FAR2: variants seen among roughly 807,000 people sequenced by gnomAD.
FAR2 encodes epididymis secretory protein Li 81.
Under a neutral mutation model 56.0 loss-of-function variants are expected in FAR2, and 19 were observed. The observed-to-expected ratio is 0.34, with a 90% CI of 0.24 to 0.50. The LOEUF is 0.50. Among genes scored for constraint, FAR2 ranks in the 20% least tolerant of loss-of-function variants. FAR2 has a pLI of 0.98. For missense variants in FAR2, 508 were observed against 642.2 expected (o/e 0.79, Z 2.26); for synonymous variants, 219 against 218.8 (o/e 1.00, Z -0.01).
At chr12:29,277,409 G>A (rs116645649) in intron 2 of FAR2, 196 of 152,284 alleles carry the variant, frequency 1.3e-3, no homozygotes, top group African/African-American at 4.6e-3. Context: ...AATATGACAA[G>A]TATTTATTGA....
chr12:29,284,723 A>AT (rs1948841420), intron 2 of FAR2, among the ~76,000 whole-genome samples: 1 of 152,242 alleles, frequency 6.6e-6, no homozygotes, highest in Non-Finnish European at 1.5e-5. Context: ...AGGTAAACAA[A>AT]TTAACTTCGA....
At chr12:29,282,431 G>A (rs1948802168) in intron 2 of FAR2, 1 of 152,120 alleles carries the variant, frequency 6.6e-6, no homozygotes, top group African/African-American at 2.4e-5. Flanking sequence ...TAACGAGTTT[G>A]ACACAAACAG....
intron 1 of FAR2, among the ~76,000 whole-genome samples, chr12:29,245,008 G>A (rs1385595411): frequency 6.7e-6 from 1 of 150,370 alleles, no homozygotes; most frequent in African/African-American, 2.5e-5. Context: ...TTGAGATGGA[G>A]TCTCACTCTA....
intron 4 of FAR2, among the ~76,000 whole-genome samples, chr12:29,298,315 C>T (rs1949104904): frequency 6.7e-6 from 1 of 149,192 alleles, no homozygotes. Flanking sequence ...TTGTAAAAAA[C>T]TATATAAAAA....
chr12:29,260,624 A>C (rs956044601), intron 1 of FAR2, among the ~76,000 whole-genome samples: 2 of 152,044 alleles, frequency 1.3e-5, no homozygotes, highest in Non-Finnish European at 2.9e-5. Context: ...GGGAGTGAAG[A>C]GTAGGAAGGA....
At chr12:29,159,355 G>A (rs894760323) in intron 1 of FAR2, among the ~76,000 whole-genome samples, 15 of 151,954 alleles carry the variant, frequency 9.9e-5, no homozygotes, top group African/African-American at 3.4e-4. Context: ...AGGCTAACAT[G>A]GTGAAACCCC....
At chr12:29,253,279 C>CTATATCTATCTAGATA (rs1565489425) in intron 1 of FAR2, among the ~76,000 whole-genome samples, 13 of 22,578 alleles carry the variant, frequency 5.8e-4, no homozygotes, top group African/African-American at 2.0e-3. Context: ...ATCTATATAT[C>CTATATCTATCTAGATA]GATATCTATA....
chr12:29,217,348 G>A (rs1393161546), intron 1 of FAR2, among the ~76,000 whole-genome samples: 1 of 152,164 alleles, frequency 6.6e-6, no homozygotes, highest in African/African-American at 2.4e-5. Context: ...TAGCTGGCAT[G>A]ACAGATTGCA....
intron 10 of FAR2, among the ~76,000 whole-genome samples, chr12:29,326,583 C>G (rs868357152): frequency 6.6e-6 from 1 of 152,220 alleles, no homozygotes; most frequent in Non-Finnish European, 1.5e-5. Context: ...CCCTGGGATG[C>G]AAGGCTGGTT....
At chr12:29,301,791 A>G (rs1229066827) in intron 4 of FAR2, 1 of 152,234 alleles carries the variant, frequency 6.6e-6, no homozygotes, top group Admixed American at 6.5e-5. Flanking sequence ...TATTATTATC[A>G]CTGCTATACT....
At chr12:29,320,986 A>C (rs1949541624) in intron 9 of FAR2, among the ~76,000 whole-genome samples, 1 of 152,148 alleles carries the variant, frequency 6.6e-6, no homozygotes, top group Non-Finnish European at 1.5e-5. Context: ...CATTTGTAAA[A>C]CTGCAGACTT....
chr12:29,155,544 C>G (rs1251915188), intron 1 of FAR2, among the ~76,000 whole-genome samples: 1 of 152,178 alleles, frequency 6.6e-6, no homozygotes, highest in African/African-American at 2.4e-5. Flanking sequence ...TGGCCCCTGC[C>G]TTTTTGTTTA....
intron 10 of FAR2, among the ~76,000 whole-genome samples, chr12:29,327,534 T>A (rs1949668542): frequency 6.6e-6 from 1 of 152,160 alleles, no homozygotes; most frequent in African/African-American, 2.4e-5. Flanking sequence ...CAAAACAGCA[T>A]GGTACTGGCA....
At chr12:29,213,546 C>A (rs1485514760) in intron 1 of FAR2, among the ~76,000 whole-genome samples, 2 of 152,020 alleles carry the variant, frequency 1.3e-5, no homozygotes, top group Admixed American at 1.3e-4. Context: ...AAAAATTAAC[C>A]GGGTGTAGTG....
chr12:29,172,094 G>A (rs1301502731), intron 1 of FAR2: 2 of 146,134 alleles, frequency 1.4e-5, no homozygotes, highest in African/African-American at 5.2e-5. Flanking sequence ...CCAACTGTCT[G>A]GGAAGTGAGG....
chr12:29,179,612 T>A (rs1253815439), intron 1 of FAR2, among the ~76,000 whole-genome samples: 3 of 152,212 alleles, frequency 2.0e-5, no homozygotes, highest in African/African-American at 7.2e-5. Flanking sequence ...GAGAGACACC[T>A]ACCTACTCCG....
chr12:29,165,653 A>C (rs1949819469), intron 1 of FAR2, among the ~76,000 whole-genome samples: 1 of 152,174 alleles, frequency 6.6e-6, no homozygotes, highest in Non-Finnish European at 1.5e-5. Context: ...TCAATGAAAA[A>C]TGATTTTCTT....
Position 29,311,233 on chromosome 12 carries a change from T to C in FAR2, c.887+87T>C, listed in dbSNP as rs548023483. ...CATTTTCCAAATATAGGCATTTCATTGTACAAGACCCCAAATGTGTGAAAG... is the reference window on the plus strand; with the variant it reads ...CATTTTCCAAATATAGGCATTTCATCGTACAAGACCCCAAATGTGTGAAAG... On this transcript the variant is annotated intron_variant, in intron 7 of 11. Coordinates refer to ENST00000536681, the MANE Select transcript of FAR2 (RefSeq NM_001271783.2). 356 of 874,672 alleles carry C rather than the reference T, an allele frequency of 4.1e-4. 3 individuals carry two copies. The South Asian group carries it at 4.2e-3, about 10-fold the overall frequency. 54.2% of individuals were successfully genotyped at this position (874,672 alleles called of 1,614,324 possible).
intron 1 of FAR2, among the ~76,000 whole-genome samples, chr12:29,243,663 C>A (rs962087832): frequency 6.6e-6 from 1 of 152,066 alleles, no homozygotes; most frequent in African/African-American, 2.4e-5. Context: ...GGAATTATGC[C>A]AGCGTTGGAA....
Sources: gnomAD v4.1 joint callset for allele counts (sites outside exome capture counted in the v4.1 genomes callset) on GRCh38, gnomAD v4.1.1 for gene constraint, MANE v1.5 for transcripts, NCBI Gene and HGNC (gene_info 2026-07-23, HGNC 2026-07-21) for gene names.